Variants in TCERG1L observed in about 807,000 individuals in gnomAD.
TCERG1L encodes the protein transcription elongation regulator 1-like protein.
TCERG1L carries 37 observed loss-of-function variants against 56.3 expected under a neutral mutation model. The observed-to-expected ratio is 0.66, with a 90% confidence interval of 0.51 to 0.87. The LOEUF is 0.87. Ranked by LOEUF, TCERG1L falls within the 40% of genes least tolerant of loss-of-function variation. The pLI is 0.00. For synonymous variants in TCERG1L, 324 were observed against 326.3 expected (o/e 0.99, Z 0.08); for missense variants, 799 against 774.2 (o/e 1.03, Z -0.38).
chr10:131,191,437 AAAAC>A (rs1316603178), intron 4 of TCERG1L, among the ~76,000 whole-genome samples: 2 of 144,098 alleles, frequency 1.4e-5, no homozygotes, highest in Non-Finnish European at 3.1e-5. Flanking sequence ...AATCCTAAGC[AAAAC>A]AAACAAATCT....
At chr10:131,098,206 G>C in intron 11 of TCERG1L, 100 bp downstream of exon 11, 1 of 1,263,696 alleles carries the variant, frequency 7.9e-7, no homozygotes, top group Non-Finnish European at 1.1e-6. Context: ...TCTGTGGAAG[G>C]CTGGGTTACA....
chr10:131,204,589 C>A (rs1480573905), intron 4 of TCERG1L, among the ~76,000 whole-genome samples: 1 of 152,226 alleles, frequency 6.6e-6, no homozygotes, highest in Non-Finnish European at 1.5e-5. Context: ...TGTGTGGGCT[C>A]CAGTGGGGCA....
intron 4 of TCERG1L, among the ~76,000 whole-genome samples, chr10:131,229,222 G>A (rs976859376): frequency 6.6e-6 from 1 of 152,204 alleles, no homozygotes; most frequent in Non-Finnish European, 1.5e-5. Context: ...CTCCCCTTCT[G>A]CTTTGACTCT....
chr10:131,191,886 A>AG lies in TCERG1L; in HGVS notation c.857-25002_857-25001insC, dbSNP rs1374302956. Among the ~76,000 whole-genome samples, 39 of 136,680 alleles carry AG rather than the reference A, an allele frequency of 2.9e-4. No individual in the cohort carries two copies. The South Asian group carries it at 9.4e-3, about 33-fold the overall frequency. 89.7% of individuals were successfully genotyped at this position (136,680 alleles called of 152,430 possible). ...TCTCAAAAAAAAAAAAAAAAAAAAAAAAAGAAAAAAAGAAAAAGACCTGAA... is the reference window on the plus strand; with the variant it reads ...TCTCAAAAAAAAAAAAAAAAAAAAAAGAAAGAAAAAAAGAAAAAGACCTGAA... On this transcript the variant is annotated intron_variant, in intron 4 of 11. Transcript: ENST00000368642.
At position 131,163,114 on chromosome 10, in the gene TCERG1L, T is replaced by C. The variant is rs1300834425; in HGVS notation, c.1034+8A>G. ...TGCTAGTGGCTCTCAGGCTTTGGGG[T>C]GTCTTACCAGGGGGATCCGGGCACC... On this transcript the variant is annotated splice_region_variant and intron_variant, in intron 6 of 11. Coordinates refer to ENST00000368642, the MANE Select transcript of TCERG1L (RefSeq NM_174937.4). 9 of 1,558,336 alleles carry C rather than the reference T, an allele frequency of 5.8e-6. No homozygotes were observed. Among genetic ancestry groups the C allele is most frequent in the Non-Finnish European group, 7.8e-6 (9 of 1,153,896 alleles).
chr10:131,127,349 C>A (rs1290735093), intron 8 of TCERG1L, among the ~76,000 whole-genome samples: 2 of 152,202 alleles, frequency 1.3e-5, no homozygotes, highest in South Asian at 2.1e-4. Context: ...GCCCCAAGCA[C>A]CAGCCAGCCC....
intron 4 of TCERG1L, among the ~76,000 whole-genome samples, chr10:131,199,761 G>A (rs900135404): frequency 3.3e-5 from 5 of 152,278 alleles, no homozygotes; most frequent in African/African-American, 1.2e-4. Flanking sequence ...GTGTTCAGCA[G>A]TGCACAGCCA....
chr10:131,124,373 C>T (rs1845544086), intron 8 of TCERG1L, among the ~76,000 whole-genome samples: 2 of 152,180 alleles, frequency 1.3e-5, no homozygotes, highest in South Asian at 4.1e-4. Context: ...CAAGGCTGGC[C>T]CCACCCCAGC....
intron 4 of TCERG1L, among the ~76,000 whole-genome samples, chr10:131,196,920 GC>G (rs1845370564): frequency 6.6e-6 from 1 of 152,176 alleles, no homozygotes; most frequent in African/African-American, 2.4e-5. Flanking sequence ...CTTAGGGAGG[GC>G]CCCTGACTTG....
intron 3 of TCERG1L, among the ~76,000 whole-genome samples, chr10:131,296,713 T>G (rs1020769649): frequency 3.3e-5 from 5 of 152,262 alleles, no homozygotes; most frequent in Non-Finnish European, 7.3e-5. Context: ...TGGGCAGAAG[T>G]GAAATCTTAA....
chr10:131,253,597 C>A (rs755799120), intron 4 of TCERG1L, among the ~76,000 whole-genome samples: 4 of 152,106 alleles, frequency 2.6e-5, no homozygotes, highest in Admixed American at 6.5e-5. Flanking sequence ...CCGTGCTGAA[C>A]GCTTCCTGAC....
intron 4 of TCERG1L, among the ~76,000 whole-genome samples, chr10:131,204,138 G>A (rs546653196): frequency 4.6e-5 from 7 of 152,320 alleles, no homozygotes; most frequent in East Asian, 1.9e-4. Flanking sequence ...GCAAGGAGGC[G>A]CCATCTTGGA....
chr10:131,277,665 T>C (rs1693478377), intron 3 of TCERG1L, among the ~76,000 whole-genome samples: 1 of 152,080 alleles, frequency 6.6e-6, no homozygotes, highest in South Asian at 2.1e-4. Context: ...GGGTGCAAAG[T>C]CAGTGTTGGA....
chr10:131,121,891 T>A (rs1845517377), intron 8 of TCERG1L, among the ~76,000 whole-genome samples: 1 of 152,220 alleles, frequency 6.6e-6, no homozygotes, highest in African/African-American at 2.4e-5. Flanking sequence ...TCTCGTATAG[T>A]CTTGTCTCAG....
At chr10:131,292,014 C>G (rs946357565) in intron 3 of TCERG1L, among the ~76,000 whole-genome samples, 1 of 152,138 alleles carries the variant, frequency 6.6e-6, no homozygotes, top group Non-Finnish European at 1.5e-5. Flanking sequence ...ATTTGTTGGT[C>G]TTTTAATTCT....
At chr10:131,167,954 AC>A (rs1846049712) in intron 4 of TCERG1L, among the ~76,000 whole-genome samples, 1 of 152,144 alleles carries the variant, frequency 6.6e-6, no homozygotes, top group Non-Finnish European at 1.5e-5. Context: ...CCACACACCA[AC>A]CTAAAACAAT....
chr10:131,311,449 G>C lies in TCERG1L; in HGVS notation c.187C>G (p.Leu63Val). ...SAGVVVPPVL[L>V]ASAPPPAAPL... The stretch of plus-strand genomic sequence containing the variant: ...GCCGCGGGCGGCGGGGCCGAGGCGA[G>C]CAGCACCGGGGGAACCACGACCCCC... The change falls in exon 1 of 12, where the codon CTC becomes GTC. Residue 63 changes from leucine (L) to valine (V), a missense_variant. Transcript: ENST00000368642. The surrounding 1 kb of genome is among the most constrained non-coding windows in gnomAD (Gnocchi z 4.0). 1 of 1,178,172 alleles carries C rather than the reference G, an allele frequency of 8.5e-7. No homozygotes were observed. The highest frequency in any genetic ancestry group is 1.0e-6 in the Non-Finnish European group (1 of 955,026). 73.0% of individuals were successfully genotyped at this position (1,178,172 alleles called of 1,614,324 possible).
chr10:131,121,763 C>G (rs536490895), intron 8 of TCERG1L, among the ~76,000 whole-genome samples: 1 of 150,450 alleles, frequency 6.6e-6, no homozygotes, highest in Non-Finnish European at 1.5e-5. Flanking sequence ...TCTGCAGGTG[C>G]CAGGTCGCCC....
chr10:131,290,357 C>T (rs1846598817), intron 3 of TCERG1L, among the ~76,000 whole-genome samples: 1 of 152,196 alleles, frequency 6.6e-6, no homozygotes, highest in South Asian at 2.1e-4. Context: ...TTAGGCCGGG[C>T]ATGGTGGCTC....
Sources: allele counts gnomAD v4.1 joint callset (sites outside exome capture counted in the v4.1 genomes callset), GRCh38; gene constraint gnomAD v4.1.1; non-coding constraint Gnocchi (gnomAD v3.1); transcripts MANE v1.5; gene names NCBI Gene and HGNC (gene_info 2026-07-23, HGNC 2026-07-21).